Variants in BAIAP3 observed in about 807,000 individuals in gnomAD.
BAIAP3 encodes the protein BAI1 associated protein 3.
Under a neutral mutation model 149.7 loss-of-function variants are expected in BAIAP3, and 180 were observed. The observed-to-expected ratio is 1.20, with a 90% CI of 1.07 to 1.36. The LOEUF (loss-of-function observed/expected upper bound fraction) is 1.36. BAIAP3 is among the 40% of genes most tolerant of loss of function. BAIAP3 has a pLI of 0.00. For missense variants in BAIAP3, 1,767 were observed against 1,563.4 expected (o/e 1.13, Z -2.20); for synonymous variants, 845 against 670.7 (o/e 1.26, Z -4.02).
rs1458252215 is a variant in BAIAP3 at position 1,339,547 on chromosome 16, A to T, written c.352A>T (p.Thr118Ser). The T allele has an allele frequency of 6.2e-7, 1 of 1,612,540 alleles. No individual in the cohort carries two copies. The highest frequency in any genetic ancestry group is 1.3e-5 in the African/African-American group (1 of 74,990). Residue 118 changes from threonine (T) to serine (S), a missense_variant, in exon 5 of 34, where the codon ACC (threonine) becomes TCC (serine). Thr to Ser is a moderately conservative substitution (Grantham distance 58). Transcript: ENST00000426824. ...GTACACGGTGCTTTACCGCGCGGGTACCATGGGCCCTGACCAGGTGGACGA... is the reference window on the plus strand; with the variant it reads ...GTACACGGTGCTTTACCGCGCGGGTTCCATGGGCCCTGACCAGGTGGACGA... ...ALYTVLYRAGTMGPDQVDDEE... is the reference protein window; with the variant it reads ...ALYTVLYRAGSMGPDQVDDEE...
chr16:1,338,459 C>G lies in BAIAP3; in HGVS notation c.-10-81C>G. Reference sequence around the variant, plus strand: ...CTCTGCCCCACCTCTTCCCGCCCCACCCCCCCACCCCCCCGCCTGCTGTGG... The same window carrying G: ...CTCTGCCCCACCTCTTCCCGCCCCAGCCCCCCACCCCCCCGCCTGCTGTGG... On this transcript the variant is annotated intron_variant, in intron 1 of 33. Coordinates refer to ENST00000426824, the MANE Select transcript of BAIAP3 (RefSeq NM_001199097.2). 6 of 149,854 alleles carry G rather than the reference C, an allele frequency of 4.0e-5. 2 individuals carry two copies. In the South Asian group the frequency reaches 6.3e-4, roughly 16 times the overall value. 9.3% of individuals were successfully genotyped at this position (149,854 alleles called of 1,614,324 possible).
intron 21 of BAIAP3, 69 bp from the exon 22 acceptor site, chr16:1,345,180 T>C: frequency 6.2e-7 from 1 of 1,609,190 alleles, no homozygotes; most frequent in Non-Finnish European, 8.5e-7. Flanking sequence ...GTCCTGGAGC[T>C]GTGAGCCTGG....
At chr16:1,343,072 G>A (rs891733161) in intron 14 of BAIAP3, 56 bp downstream of exon 14, 3 of 1,508,834 alleles carry the variant, frequency 2.0e-6, no homozygotes, top group Non-Finnish European at 2.7e-6. Context: ...GAGCGAGTGG[G>A]GCATCGGGGG....
In BAIAP3 at chr16:1,347,382, C is replaced by A. The variant is rs781573541; in HGVS notation, c.2823+13C>A. 1 of 1,612,916 alleles carries A rather than the reference C, an allele frequency of 6.2e-7. No homozygotes were observed. On this transcript the variant is annotated intron_variant, in intron 29 of 33. Coordinates refer to ENST00000426824, the MANE Select transcript of BAIAP3 (RefSeq NM_001199097.2). ...TGGAAGCTACAAGGTGAGGTGGGAC[C>A]CTCTGTGGGGCGGGGGTGTGGATGA...
chr16:1,346,231 G>C lies in BAIAP3; in HGVS notation c.2363G>C (p.Gly788Ala), dbSNP rs2034353810. 6.2e-7 allele frequency: 1 copy of C among 1,612,154 alleles called. No homozygotes were observed. Among genetic ancestry groups the C allele is most frequent in the African/African-American group, 1.3e-5 (1 of 75,048 alleles). The change falls in exon 25 of 34, where the codon GGC becomes GCC. Residue 788 changes from glycine (G) to alanine (A), a missense_variant. By Grantham distance (60) the Gly-to-Ala change is moderately conservative. Coordinates refer to ENST00000426824, the MANE Select transcript of BAIAP3 (RefSeq NM_001199097.2). ...VRKAAGQALK[G>A]LAWPEGATGP... ...AAGGCTGCTGGGCAGGCCTTGAAGGGCCTGGCATGGCCAGAGGGGGCCACG... is the reference window on the plus strand; with the variant it reads ...AAGGCTGCTGGGCAGGCCTTGAAGGCCCTGGCATGGCCAGAGGGGGCCACG...
chr16:1,347,108 T>A, intron 28 of BAIAP3, 153 bp downstream of exon 28: 3 of 876,030 alleles, frequency 3.4e-6, no homozygotes, highest in Non-Finnish European at 5.3e-6. Flanking sequence ...AATGCCGAGG[T>A]GTGGCCTCTG....
rs1418255385 is a variant in BAIAP3 at position 1,344,160 on chromosome 16, C to T, written c.1511+14C>T. 7 of 1,611,804 alleles carry T rather than the reference C, an allele frequency of 4.3e-6. No homozygotes were observed. The highest frequency in any genetic ancestry group is 2.2e-5 in the East Asian group (1 of 44,882). On this transcript the variant is annotated intron_variant, in intron 16 of 33. Coordinates refer to ENST00000426824, the MANE Select transcript of BAIAP3 (RefSeq NM_001199097.2). The stretch of plus-strand genomic sequence containing the variant: ...GCTGCTGCTGAAGTGGGTGCAGCGC[C>T]GCGTGTCAGCGTGGGTGGGGGCGGC...
At position 1,337,474 on chromosome 16, in the gene BAIAP3, C is replaced by T. The variant is rs183257537; in HGVS notation, c.-10-1066C>T. Among the ~76,000 whole-genome samples the T allele has an allele frequency of 1.2e-3, 177 of 152,336 alleles. 1 individual carries two copies. The highest frequency in any genetic ancestry group is 1.9e-3 in the Non-Finnish European group (127 of 68,032). On this transcript the variant is annotated intron_variant, in intron 1 of 33. Coordinates refer to ENST00000426824, the MANE Select transcript of BAIAP3 (RefSeq NM_001199097.2). ...CGGAGGTTGCGGTGAGCGGAGACTG[C>T]GCCACTGCAACTCACTTGAACCTGG...
chr16:1,347,991 C>A lies in BAIAP3; in HGVS notation c.3123C>A (p.His1041Gln). ...QRTQVKTRTL[H>Q]PVYDELFYFS... ...CCCAGGTGAAGACCCGGACGCTGCA[C>A]CCTGTATACGACGAACTCTTCTACT... The change falls in exon 32 of 34, where the codon CAC becomes CAA. Residue 1041 changes from histidine (H) to glutamine (Q), a missense_variant. By Grantham distance (24) the His-to-Gln change is conservative. Transcript: ENST00000426824. 3.1e-6 allele frequency: 5 copies of A among 1,610,786 alleles called. No individual in the cohort carries two copies. Among genetic ancestry groups the A allele is most frequent in the Non-Finnish European group, 4.2e-6 (5 of 1,179,948 alleles).
At chr16:1,339,371 G>A (rs2033696094) in intron 4 of BAIAP3, 125 bp from the exon 5 acceptor site, 2 of 1,480,200 alleles carry the variant, frequency 1.4e-6, no homozygotes, top group Non-Finnish European at 1.8e-6. Context: ...GTGGGTGAGT[G>A]AGGAGCGGAG....
In BAIAP3 at chr16:1,342,990, C is replaced by A; in HGVS notation, c.1239C>A (p.Asn413Lys). The change falls in exon 14 of 34, where the codon AAC (asparagine) becomes AAA (lysine). Residue 413 changes from asparagine to lysine, a missense_variant. Asn to Lys is a moderately conservative substitution (Grantham distance 94, BLOSUM62 0). Transcript: ENST00000426824. ...TILCLHGAQS[N>K]LSPLQLAVLH... The stretch of plus-strand genomic sequence containing the variant: ...TCTGCCTGCACGGAGCCCAGAGCAA[C>A]CTGTCACCCTTGCAGCTGGCCGTGC... 6.2e-7 allele frequency: 1 copy of A among 1,610,972 alleles called. No individual in the cohort carries two copies. The highest frequency in any genetic ancestry group is 8.5e-7 in the Non-Finnish European group (1 of 1,179,964).
Position 1,341,670 on chromosome 16 carries a change from G to C in BAIAP3, c.732-152G>C, listed in dbSNP as rs576950622. 4.4e-5 allele frequency: 51 copies of C among 1,169,020 alleles called. 2 individuals are homozygous for C. In the South Asian group the frequency reaches 7.5e-4, roughly 17 times the overall value. The allele number at this position is 1,169,020 out of a possible 1,614,324, so 72.4% of individuals were successfully genotyped here. On this transcript the variant is annotated intron_variant, in intron 8 of 33. Coordinates refer to ENST00000426824, the MANE Select transcript of BAIAP3 (RefSeq NM_001199097.2). ...TTGTGCCACCGGGGCCACACGGCTGGCAACACCTGGCGGGATCAGGATTTG... is the reference window on the plus strand; with the variant it reads ...TTGTGCCACCGGGGCCACACGGCTGCCAACACCTGGCGGGATCAGGATTTG...
rs967290076 is a variant in BAIAP3 at position 1,348,634 on chromosome 16, G to A, written c.*152G>A. 1.1e-4 allele frequency: 83 copies of A among 742,992 alleles called. No individual in the cohort carries two copies. The East Asian group carries it at 1.6e-3, about 14-fold the overall frequency. The allele number at this position is 742,992 out of a possible 1,614,324, so 46.0% of individuals were successfully genotyped here. A position where few individuals can be genotyped will look rare whatever the true frequency, so the allele number is the denominator to read the frequency against. On this transcript the variant is annotated 3_prime_UTR_variant, in exon 34 of 34. Transcript: ENST00000426824. ...CGTGGCTGGCCCCGCGGCGCCTACC[G>A]CCCTGGCCGTGTCTGTCTGGTGTGT... is the stretch of plus-strand genomic sequence containing the variant.
In BAIAP3 at chr16:1,344,718, G is replaced by A. The variant is rs1399525050; in HGVS notation, c.1757+20G>A. On this transcript the variant is annotated intron_variant, in intron 19 of 33. Transcript: ENST00000426824. ...CCACAGGTGGGCCTGGCCCCTCAGT[G>A]CTGTCCTGGGGCTGGGGTCGGAGCC... 2 of 1,610,908 alleles carry A rather than the reference G, an allele frequency of 1.2e-6. No individual in the cohort carries two copies. Among genetic ancestry groups the A allele is most frequent in the Admixed American group, 3.3e-5 (2 of 59,742 alleles).
At chr16:1,339,310 C>T (rs1010041374) in intron 4 of BAIAP3, 66 bp downstream of exon 4, 7 of 1,535,190 alleles carry the variant, frequency 4.6e-6, no homozygotes, top group Admixed American at 4.0e-5. Flanking sequence ...CGTTTAGAGG[C>T]ACCTACTGTG....
At chr16:1,344,338 G>T in intron 17 of BAIAP3, 21 bp downstream of exon 17, 2 of 1,613,460 alleles carry the variant, frequency 1.2e-6, no homozygotes, top group Non-Finnish European at 1.7e-6. Flanking sequence ...AAGCCCAGTG[G>T]AGGCCGGCTG....
intron 1 of BAIAP3, chr16:1,334,487 A>C: frequency 8.2e-6 from 5 of 611,696 alleles, no homozygotes; most frequent in East Asian, 2.8e-5. Context: ...GAGCAGAGGG[A>C]GGAGGGAGCG....
intron 1 of BAIAP3, among the ~76,000 whole-genome samples, chr16:1,334,304 G>A (rs894741490): frequency 2.0e-5 from 3 of 152,164 alleles, no homozygotes; most frequent in African/African-American, 7.2e-5. Context: ...CCTGGGCCGG[G>A]GTCTCCGGGG....
Position 1,348,814 on chromosome 16 carries a change from G to C in BAIAP3, c.*332G>C, listed in dbSNP as rs1042880571. 5 of 474,422 alleles carry C rather than the reference G, an allele frequency of 1.1e-5. No homozygotes were observed. Among genetic ancestry groups the C allele is most frequent in the African/African-American group, 1.9e-5 (1 of 51,298 alleles). 29.4% of individuals were successfully genotyped at this position (474,422 alleles called of 1,614,324 possible). On this transcript the variant is annotated 3_prime_UTR_variant, in exon 34 of 34. Transcript: ENST00000426824. ...TGGGCTCCCCGGCCCTGGGTGGGCGGTGGGCAGCTGGTCTCCAGGGACTCA... is the reference window on the plus strand; with the variant it reads ...TGGGCTCCCCGGCCCTGGGTGGGCGCTGGGCAGCTGGTCTCCAGGGACTCA...
Sources: gnomAD v4.1 joint callset for allele counts (sites outside exome capture counted in the v4.1 genomes callset) on GRCh38, gnomAD v4.1.1 for gene constraint, MANE v1.5 for transcripts, NCBI Gene and HGNC (gene_info 2026-07-23, HGNC 2026-07-21) for gene names.